The following FBXO47 variants were observed in gnomAD, a reference collection of about 807,000 sequenced individuals.
FBXO47 encodes the protein F-box protein 47.
A neutral mutation model predicts 53.9 loss-of-function variants in FBXO47; 34 were observed. That is an observed-to-expected ratio of 0.63 (90% CI 0.48 to 0.84). The LOEUF (loss-of-function observed/expected upper bound fraction) is 0.84, where lower values mean the gene tolerates loss of function less well. Among genes scored for constraint, FBXO47 ranks in the 40% least tolerant of loss-of-function variants. FBXO47 has a pLI of 0.00. For missense variants in FBXO47, 485 were observed against 541.3 expected, an observed-to-expected ratio of 0.90 and a Z score of 1.03; for synonymous variants, 165 against 181.6, an observed-to-expected ratio of 0.91 and a Z score of 0.73.
At chr17:38,957,722 A>T (rs1905624158) in intron 3 of FBXO47, among the ~76,000 whole-genome samples, 1 of 149,138 alleles carries the variant, frequency 6.7e-6, no homozygotes, top group South Asian at 2.1e-4. Context: ...TTTTTGAGAC[A>T]AGGTCTTACT....
intron 5 of FBXO47, among the ~76,000 whole-genome samples, chr17:38,952,449 C>T (rs1905341983): frequency 1.3e-5 from 2 of 151,950 alleles, no homozygotes; most frequent in East Asian, 1.9e-4. Context: ...AACAAATTTA[C>T]ATAAACAAAA....
chr17:38,953,441 A>G (rs1905404132), intron 5 of FBXO47, among the ~76,000 whole-genome samples: 1 of 152,092 alleles, frequency 6.6e-6, no homozygotes, highest in Non-Finnish European at 1.5e-5. Context: ...CCTGACCAAC[A>G]TGGCGAAACC....
At chr17:38,958,442 A>G (rs886453883) in intron 3 of FBXO47, among the ~76,000 whole-genome samples, 3 of 151,014 alleles carry the variant, frequency 2.0e-5, no homozygotes, top group Non-Finnish European at 4.4e-5. Context: ...TTAAGAATGT[A>G]TAAGATTTTG....
At chr17:38,945,948 A>AAAAT (rs1184511532) in intron 6 of FBXO47, among the ~76,000 whole-genome samples, 1 of 117,152 alleles carries the variant, frequency 8.5e-6, no homozygotes, top group African/African-American at 3.5e-5. Context: ...AAAAAAAAAA[A>AAAAT]ATATATATAT....
rs1182588515 is a variant in FBXO47, at chr17:38,942,725, AG to A, written c.1083+52del. 64 of 1,465,032 alleles carry A rather than the reference AG, an allele frequency of 4.4e-5. No individual in the cohort carries two copies. The African/African-American group carries it at 7.9e-4, about 18-fold the overall frequency. The allele number at this position is 1,465,032 out of a possible 1,614,324, so 90.8% of individuals were successfully genotyped here. ...CAGTTCCTTCAGGGCAGCTCCCTGTAGGTCAATTGTAGTGTTAAAAAACTTG... is the reference window on the plus strand; with the variant it reads ...CAGTTCCTTCAGGGCAGCTCCCTGTAGTCAATTGTAGTGTTAAAAAACTTG... On this transcript the variant is annotated intron_variant, in intron 9 of 10. Coordinates refer to ENST00000378079, the MANE Select transcript of FBXO47 (RefSeq NM_001008777.3).
At chr17:38,950,353 T>C (rs550799925) in intron 6 of FBXO47, among the ~76,000 whole-genome samples, 33 of 152,238 alleles carry the variant, frequency 2.2e-4, no homozygotes, top group South Asian at 2.1e-3. Flanking sequence ...TACCATATTT[T>C]GTTTATCCAT....
intron 1 of FBXO47, among the ~76,000 whole-genome samples, chr17:38,966,823 C>T (rs1480519422): frequency 6.6e-6 from 1 of 152,076 alleles, no homozygotes; most frequent in Non-Finnish European, 1.5e-5. Context: ...AGGTATAATC[C>T]TAAATTATTT....
In FBXO47 at chr17:38,942,781, A is replaced by G. The variant is rs919990119; in HGVS notation, c.1080T>C (p.Ala360=). Residue 360 remains alanine (A), a synonymous_variant, in exon 9 of 11, where the codon GCT becomes GCC. Coordinates refer to ENST00000378079, the MANE Select transcript of FBXO47 (RefSeq NM_001008777.3). ...IELARLVVFL[A]LVCEKELYCM... ...AGAAAAACTTATTTTTACTTACCAA[A>G]GCCAAAAAGACTACGAGCCTTGCCA... The G allele has an allele frequency of 1.2e-6, 2 of 1,601,728 alleles. No individual in the cohort carries two copies. Among genetic ancestry groups the G allele is most frequent in the Non-Finnish European group, 1.7e-6 (2 of 1,177,016 alleles).
intron 1 of FBXO47, among the ~76,000 whole-genome samples, chr17:38,965,521 G>A (rs146761673): frequency 1.1e-3 from 163 of 151,964 alleles, no homozygotes; most frequent in African/African-American, 3.7e-3. Context: ...ATACCACAGC[G>A]ATTGGGGTCA....
chr17:38,963,175 A>G (rs1905907588), intron 1 of FBXO47, 124 bp from the exon 2 acceptor site: 1 of 602,220 alleles, frequency 1.7e-6, no homozygotes, highest in Non-Finnish European at 2.8e-6. Context: ...TGTATTTGCA[A>G]AAGATTTTTG....
intron 9 of FBXO47, among the ~76,000 whole-genome samples, chr17:38,941,052 T>C (rs1355280110): frequency 6.6e-6 from 1 of 151,880 alleles, no homozygotes; most frequent in Non-Finnish European, 1.5e-5. Context: ...TGGTGCTATC[T>C]TGGCTCACCA....
chr17:38,937,735 T>G (rs2143872430), intron 10 of FBXO47, among the ~76,000 whole-genome samples: 1 of 152,072 alleles, frequency 6.6e-6, no homozygotes, highest in African/African-American at 2.4e-5. Flanking sequence ...TGGCACAATC[T>G]TGGCTCACTG....
rs865939174 is a variant in FBXO47 at position 38,946,389 on chromosome 17, T to G, written c.617-1253A>C. Among the ~76,000 whole-genome samples, 566 of 87,564 alleles carry G rather than the reference T, an allele frequency of 6.5e-3. 33 individuals carry two copies. The highest frequency in any genetic ancestry group is 0.032 in the African/African-American group (491 of 15,586). The allele number at this position is 87,564 out of a possible 152,430, so 57.4% of individuals were successfully genotyped here. On this transcript the variant is annotated intron_variant, in intron 6 of 10. Coordinates refer to ENST00000378079, the MANE Select transcript of FBXO47 (RefSeq NM_001008777.3). ...ATATAGATATATATATAAATATATATATCTATATATAAATATATAGATATA... is the reference window on the plus strand; with the variant it reads ...ATATAGATATATATATAAATATATAGATCTATATATAAATATATAGATATA...
chr17:38,943,526 A>C (rs1904602757), intron 8 of FBXO47, 64 bp downstream of exon 8: 1 of 1,066,040 alleles, frequency 9.4e-7, no homozygotes, highest in African/African-American at 1.7e-5. Context: ...TTATCCTTAT[A>C]ATTTTATAAC....
At chr17:38,963,956 C>T (rs1315578690) in intron 1 of FBXO47, among the ~76,000 whole-genome samples, 2 of 150,512 alleles carry the variant, frequency 1.3e-5, no homozygotes, top group Non-Finnish European at 3.0e-5. Flanking sequence ...AGCCACCATG[C>T]CCAGCTAAAG....
At chr17:38,962,422 A>T (rs762919479) in intron 2 of FBXO47, among the ~76,000 whole-genome samples, 6 of 152,044 alleles carry the variant, frequency 3.9e-5, no homozygotes, top group Non-Finnish European at 8.8e-5. Flanking sequence ...TCGAGACCAG[A>T]CTGATCAACA....
At chr17:38,941,125 A>G (rs955999094) in intron 9 of FBXO47, among the ~76,000 whole-genome samples, 8 of 151,658 alleles carry the variant, frequency 5.3e-5, no homozygotes, top group Admixed American at 4.6e-4. Flanking sequence ...CTGAGCTCAC[A>G]GGCACGCATG....
rs187066300 is a variant in FBXO47 at position 38,955,901 on chromosome 17, C to T, written c.430-968G>A. Among the ~76,000 whole-genome samples, 441 of 138,712 alleles carry T rather than the reference C, an allele frequency of 3.2e-3. 3 individuals carry two copies. Among genetic ancestry groups the T allele is most frequent in the African/African-American group, 0.011 (393 of 36,414 alleles). The allele number at this position is 138,712 out of a possible 152,430, so 91.0% of individuals were successfully genotyped here. ...TGAATCTGGGAGGCGGAGGTTACAGCGAGCTGAGATCGTGCCACTGCACTC... is the reference window on the plus strand; with the variant it reads ...TGAATCTGGGAGGCGGAGGTTACAGTGAGCTGAGATCGTGCCACTGCACTC... On this transcript the variant is annotated intron_variant, in intron 4 of 10. Coordinates refer to ENST00000378079, the MANE Select transcript of FBXO47 (RefSeq NM_001008777.3).
At chr17:38,953,125 C>CCACACACACACACACA (rs768926649) in intron 5 of FBXO47, among the ~76,000 whole-genome samples, 3 of 117,870 alleles carry the variant, frequency 2.5e-5, no homozygotes, top group African/African-American at 1.0e-4. Context: ...AAAAAAAAAA[C>CCACACACACACACACA]CACACACACA....
Sources: gnomAD v4.1 joint callset for allele counts (sites outside exome capture counted in the v4.1 genomes callset) on GRCh38, gnomAD v4.1.1 for gene constraint, MANE v1.5 for transcripts, NCBI Gene and HGNC (gene_info 2026-07-23, HGNC 2026-07-21) for gene names.